The following TCF12 variants were observed in gnomAD, a reference collection of about 807,000 sequenced individuals.
TCF12 encodes the protein transcription factor 12.
Under a neutral mutation model 86.0 loss-of-function variants are expected in TCF12, and 45 were observed. The observed-to-expected ratio is 0.52, with a 90% CI of 0.41 to 0.67. The LOEUF is 0.67. TCF12 is among the 30% of genes least tolerant of loss of function. TCF12 has a pLI of 0.00. For synonymous variants in TCF12, 330 were observed against 299.6 expected (o/e 1.10, Z -1.05); for missense variants, 881 against 859.9 (o/e 1.02, Z -0.31).
intron 5 of TCF12, among the ~76,000 whole-genome samples, chr15:57,137,580 T>C (rs567400638): frequency 2.0e-5 from 3 of 152,332 alleles, no homozygotes; most frequent in Non-Finnish European, 2.9e-5. Context: ...ACCATTGATA[T>C]TTGGTTGTGG....
At chr15:57,276,875 G>T (rs748384756) in intron 19 of TCF12, among the ~76,000 whole-genome samples, 23 of 148,632 alleles carry the variant, frequency 1.5e-4, no homozygotes, top group Non-Finnish European at 3.3e-4. Flanking sequence ...TGTGAGCTTG[G>T]CTCACTGCAA....
intron 8 of TCF12, among the ~76,000 whole-genome samples, chr15:57,227,794 A>G (rs1313221585): frequency 6.6e-6 from 1 of 152,118 alleles, no homozygotes; most frequent in Non-Finnish European, 1.5e-5. Context: ...GCATTCTGAA[A>G]AGGAGGATAG....
chr15:57,077,315 A>G (rs1243954304), intron 4 of TCF12, among the ~76,000 whole-genome samples: 3 of 124,698 alleles, frequency 2.4e-5, no homozygotes, highest in Non-Finnish European at 4.8e-5. Flanking sequence ...CTTTCCATAT[A>G]TATGTATATA....
chr15:57,139,597 T>C (rs1476632911), intron 5 of TCF12, among the ~76,000 whole-genome samples: 4 of 137,336 alleles, frequency 2.9e-5, no homozygotes, highest in East Asian at 2.3e-4. Flanking sequence ...TCTTCCAGGT[T>C]CCTAGCCATC....
intron 13 of TCF12, chr15:57,247,031 G>A: frequency 3.7e-6 from 2 of 547,828 alleles, no homozygotes; most frequent in Non-Finnish European, 7.1e-6. Context: ...CACCAAAAGT[G>A]CCCCCTTTCA....
intron 19 of TCF12, 129 bp from the exon 20 acceptor site, chr15:57,282,316 A>T (rs2061727625): frequency 4.6e-6 from 5 of 1,090,332 alleles, no homozygotes; most frequent in South Asian, 1.4e-5. Flanking sequence ...ATGTGAGCAC[A>T]TTGTTTCTTC....
intron 5 of TCF12, among the ~76,000 whole-genome samples, chr15:57,106,972 T>G (rs2050172279): frequency 6.6e-6 from 1 of 152,254 alleles, no homozygotes; most frequent in Non-Finnish European, 1.5e-5. Flanking sequence ...CTGGTGGGAC[T>G]GCAAAATGGT....
intron 3 of TCF12, among the ~76,000 whole-genome samples, chr15:56,947,640 T>C (rs916316847): frequency 6.6e-6 from 1 of 152,228 alleles, no homozygotes; most frequent in Non-Finnish European, 1.5e-5. Context: ...TGTTTTCTAA[T>C]TTTTTAATTG....
At chr15:57,095,032 A>G (rs1339085749) in intron 5 of TCF12, among the ~76,000 whole-genome samples, 3 of 152,212 alleles carry the variant, frequency 2.0e-5, no homozygotes, top group Non-Finnish European at 4.4e-5. Context: ...TATATTTTGA[A>G]GTGTTTTATG....
intron 6 of TCF12, among the ~76,000 whole-genome samples, chr15:57,169,798 G>A (rs1457184999): frequency 6.6e-6 from 1 of 152,060 alleles, no homozygotes; most frequent in African/African-American, 2.4e-5. Context: ...TTTCACTTAC[G>A]TATTTATACC....
chr15:57,072,775 G>A (rs1170773672), intron 4 of TCF12: 4 of 1,135,694 alleles, frequency 3.5e-6, no homozygotes, highest in Non-Finnish European at 4.6e-6. Context: ...TTATGTAACT[G>A]CTCCTTCTGA....
At chr15:57,142,715 C>G (rs567162137) in intron 5 of TCF12, among the ~76,000 whole-genome samples, 1 of 152,072 alleles carries the variant, frequency 6.6e-6, no homozygotes, top group Non-Finnish European at 1.5e-5. Flanking sequence ...AGTTGAGGAG[C>G]CTTAGCAGAC....
intron 3 of TCF12, among the ~76,000 whole-genome samples, chr15:56,984,610 C>G (rs1212088854): frequency 6.6e-6 from 1 of 152,090 alleles, no homozygotes; most frequent in African/African-American, 2.4e-5. Flanking sequence ...TGCTGTTTTA[C>G]TAATTCTTCT....
chr15:57,246,876 A>G, intron 13 of TCF12: 1 of 419,852 alleles, frequency 2.4e-6, no homozygotes, highest in Non-Finnish European at 4.6e-6. Context: ...CCTTTCGGAC[A>G]ACTGTCTCAA....
intron 3 of TCF12, among the ~76,000 whole-genome samples, chr15:56,960,955 C>G (rs140446002): frequency 9.8e-4 from 149 of 151,764 alleles, no homozygotes; most frequent in Admixed American, 1.8e-3. Flanking sequence ...GCCTGGCCAA[C>G]CTGGTGAAAC....
At chr15:57,180,434 C>G (rs902338673) in intron 6 of TCF12, among the ~76,000 whole-genome samples, 6 of 152,114 alleles carry the variant, frequency 3.9e-5, no homozygotes, top group Admixed American at 1.3e-4. Context: ...CCCTCAGTGA[C>G]AAAAGAAACA....
At chr15:56,976,345 C>G (rs1367531166) in intron 3 of TCF12, among the ~76,000 whole-genome samples, 1 of 149,160 alleles carries the variant, frequency 6.7e-6, no homozygotes, top group Non-Finnish European at 1.5e-5. Context: ...ATTCTCCTGC[C>G]TCAGCCTCCC....
intron 3 of TCF12, among the ~76,000 whole-genome samples, chr15:56,967,015 G>A (rs1448171443): frequency 6.6e-5 from 10 of 152,002 alleles, no homozygotes; most frequent in African/African-American, 1.5e-4. Flanking sequence ...TCAGCTACTC[G>A]GGAGGCTGAG....
chr15:57,113,582 C>T (rs375280313), intron 5 of TCF12, among the ~76,000 whole-genome samples: 2 of 151,416 alleles, frequency 1.3e-5, no homozygotes, highest in Non-Finnish European at 1.5e-5. Context: ...TCCTAACATC[C>T]CCCTTACCTT....
Sources: gnomAD v4.1 joint callset for allele counts (sites outside exome capture counted in the v4.1 genomes callset) on GRCh38, gnomAD v4.1.1 for gene constraint, MANE v1.5 for transcripts, NCBI Gene and HGNC (gene_info 2026-07-23, HGNC 2026-07-21) for gene names.